UROD: variants seen among roughly 807,000 people sequenced by gnomAD.
UROD encodes the protein uroporphyrinogen decarboxylase, also known as uroporphyrinogen III decarboxylase.
UROD carries 34 observed loss-of-function variants against 47.1 expected under a neutral mutation model. The ratio of observed to expected loss-of-function variants is 0.72; its 90% CI spans 0.55 to 0.96. UROD has a LOEUF of 0.96. Among genes scored for constraint, UROD ranks in the 40% least tolerant of loss-of-function variants. UROD has a pLI of 0.00. For missense variants in UROD, 381 were observed against 471.8 expected (o/e 0.81, Z 1.78); for synonymous variants, 148 against 175.8 (o/e 0.84, Z 1.25).
rs766639207 is a variant in UROD, at chr1:45,013,942, G to A, written c.508G>A (p.Gly170Ser). 1.3e-5 allele frequency: 21 copies of A among 1,614,098 alleles called. No individual in the cohort carries two copies. The highest frequency in any genetic ancestry group is 1.7e-5 in the Admixed American group (1 of 59,986). Residue 170 changes from glycine (G) to serine (S), a missense_variant, in exon 6 of 10, where the codon GGC becomes AGC. Transcript: ENST00000246337. The surrounding 1 kb of genome is among the most constrained non-coding windows in gnomAD (Gnocchi z 4.2). ...TLMTYMVEGGGSSTMAQAKRW... is the reference protein window; with the variant it reads ...TLMTYMVEGGSSSTMAQAKRW... Reference sequence around the variant, plus strand: ...GATGACATACATGGTTGAGGGTGGTGGCTCAAGCACCATGGCTCAGGCCAA... The same window carrying A: ...GATGACATACATGGTTGAGGGTGGTAGCTCAAGCACCATGGCTCAGGCCAA...
chr1:45,015,506 C>T lies in UROD; in HGVS notation c.*8C>T. Reference sequence around the variant, plus strand: ...CTGCTTCGACAGAACTGAGTGTATACCTTTACCCTCAAGTACCACTAACAC... The same window carrying T: ...CTGCTTCGACAGAACTGAGTGTATATCTTTACCCTCAAGTACCACTAACAC... On this transcript the variant is annotated 3_prime_UTR_variant, in exon 10 of 10. Transcript: ENST00000246337. The T allele has an allele frequency of 3.1e-6, 5 of 1,614,180 alleles. No individual in the cohort carries two copies.
chr1:45,013,249 C>T lies in UROD; in HGVS notation c.213+34C>T, dbSNP rs1415233537. 1.2e-5 allele frequency: 19 copies of T among 1,614,046 alleles called. No homozygotes were observed. Among genetic ancestry groups the T allele is most frequent in the Non-Finnish European group, 1.6e-5 (19 of 1,180,024 alleles). On this transcript the variant is annotated intron_variant, in intron 3 of 9. Coordinates refer to ENST00000246337, the MANE Select transcript of UROD (RefSeq NM_000374.5). This position sits in a 1 kb window ranked among gnomAD's most constrained non-coding sequence, Gnocchi z 4.2. Reference sequence around the variant, plus strand: ...TCCACAAAAGAGGGAAAGATTTATGCCTTCAGTCTGCCACCTAGCAACCTG... The same window carrying T: ...TCCACAAAAGAGGGAAAGATTTATGTCTTCAGTCTGCCACCTAGCAACCTG...
Position 45,013,255 on chromosome 1 carries a change from G to C in UROD, c.214-37G>C. ...AAAGAGGGAAAGATTTATGCCTTCAGTCTGCCACCTAGCAACCTGTCTCCT... is the reference window on the plus strand; with the variant it reads ...AAAGAGGGAAAGATTTATGCCTTCACTCTGCCACCTAGCAACCTGTCTCCT... On this transcript the variant is annotated intron_variant, in intron 3 of 9. Coordinates refer to ENST00000246337, the MANE Select transcript of UROD (RefSeq NM_000374.5). This position sits in a 1 kb window ranked among gnomAD's most constrained non-coding sequence, Gnocchi z 4.2. 6.2e-7 allele frequency: 1 copy of C among 1,614,202 alleles called. No homozygotes were observed. Among genetic ancestry groups the C allele is most frequent in the South Asian group, 1.1e-5 (1 of 91,090 alleles).
intron 1 of UROD, 44 bp from the exon 2 acceptor site, chr1:45,012,863 G>T (rs781536517): frequency 2.5e-6 from 4 of 1,610,976 alleles, no homozygotes; most frequent in Non-Finnish European, 2.5e-6. Flanking sequence ...CCAGCCTCCA[G>T]CGTAGCATAC....
chr1:45,014,425 C>A lies in UROD; in HGVS notation c.637-14C>A. On this transcript the variant is annotated splice_polypyrimidine_tract_variant and intron_variant, in intron 6 of 9. Coordinates refer to ENST00000246337, the MANE Select transcript of UROD (RefSeq NM_000374.5). ...TTGTGTGTTACATATTTTTCTTCAC[C>A]ATACCCTAACTAGGCATTGCAGCTG... The A allele has an allele frequency of 6.2e-7, 1 of 1,614,018 alleles. No homozygotes were observed. The highest frequency in any genetic ancestry group is 8.5e-7 in the Non-Finnish European group (1 of 1,180,040).
intron 1 of UROD, 21 bp downstream of exon 1, chr1:45,012,306 G>T: frequency 6.2e-7 from 1 of 1,614,098 alleles, no homozygotes; most frequent in South Asian, 1.1e-5. Context: ...CAGAGCACGC[G>T]GTGTGGCTAG....
chr1:45,014,300 T>C (rs544132784), intron 6 of UROD, 139 bp from the exon 7 acceptor site: 3 of 1,440,104 alleles, frequency 2.1e-6, no homozygotes, highest in African/African-American at 2.8e-5. Context: ...GTAAATTTTT[T>C]TTTTTTTAAT....
intron 6 of UROD, 41 bp from the exon 7 acceptor site, chr1:45,014,398 C>T: frequency 6.2e-7 from 1 of 1,613,688 alleles, no homozygotes; most frequent in Non-Finnish European, 8.5e-7. Context: ...GAAACTTCCT[C>T]TTTGTGTGTT....
Position 45,014,923 on chromosome 1 carries a change from G to A in UROD, c.876-17G>A, listed in dbSNP as rs766486186. On this transcript the variant is annotated splice_polypyrimidine_tract_variant and intron_variant, in intron 8 of 9. Coordinates refer to ENST00000246337, the MANE Select transcript of UROD (RefSeq NM_000374.5). Reference sequence around the variant, plus strand: ...ATGTATGCAGTTACCAGAACGTGGCGCTGGCTTTGCTTCCAGGGAGTGTGT... The same window carrying A: ...ATGTATGCAGTTACCAGAACGTGGCACTGGCTTTGCTTCCAGGGAGTGTGT... 15 of 1,614,036 alleles carry A rather than the reference G, an allele frequency of 9.3e-6. No individual in the cohort carries two copies. The highest frequency in any genetic ancestry group is 8.3e-5 in the Admixed American group (5 of 60,008).
intron 6 of UROD, 145 bp from the exon 7 acceptor site, chr1:45,014,294 A>AT (rs57055690): frequency 0.047 from 44,988 of 955,638 alleles, no homozygotes; most frequent in Non-Finnish European, 0.054. Context: ...AGGAAAGTAA[A>AT]TTTTTTTTTT....
At position 45,015,538 on chromosome 1, in the gene UROD, T is replaced by C. The variant is rs962899729; in HGVS notation, c.*40T>C. On this transcript the variant is annotated 3_prime_UTR_variant, in exon 10 of 10. Coordinates refer to ENST00000246337, the MANE Select transcript of UROD (RefSeq NM_000374.5). ...CCTCAAGTACCACTAACACAGATGATTGATCGTTTCCAGGACAATAAAAGT... is the reference window on the plus strand; with the variant it reads ...CCTCAAGTACCACTAACACAGATGACTGATCGTTTCCAGGACAATAAAAGT... 2 of 1,613,966 alleles carry C rather than the reference T, an allele frequency of 1.2e-6. No individual in the cohort carries two copies. Among genetic ancestry groups the C allele is most frequent in the Non-Finnish European group, 1.7e-6 (2 of 1,180,016 alleles).
At position 45,014,004 on chromosome 1, in the gene UROD, G is replaced by A. The variant is rs777686808; in HGVS notation, c.570G>A (p.Gln190=). Residue 190 remains glutamine, a synonymous_variant, in exon 6 of 10, where the codon CAG becomes CAA. Transcript: ENST00000246337. ...ATCAGAGACCTCAGGCTAGTCACCA[G>A]CTGCTTCGCATCCTCACTGATGCTC... ...WLYQRPQASH[Q]LLRILTDALV... is the part of the protein sequence containing the mutation. 4 of 1,614,154 alleles carry A rather than the reference G, an allele frequency of 2.5e-6. No homozygotes were observed. The highest frequency in any genetic ancestry group is 1.3e-5 in the African/African-American group (1 of 74,944).
rs2148983862 is a variant in UROD, at chr1:45,015,241, T to G, written c.943-96T>G. 2.6e-6 allele frequency: 4 copies of G among 1,535,346 alleles called. No individual in the cohort carries two copies. In the South Asian group the frequency reaches 4.7e-5, roughly 18 times the overall value. ...TATTGAATGACTGAATAACACTGAG[T>G]AGAAGCATGCCTACATATGCGTTTG... On this transcript the variant is annotated intron_variant, in intron 9 of 9. Coordinates refer to ENST00000246337, the MANE Select transcript of UROD (RefSeq NM_000374.5).
Position 45,013,865 on chromosome 1 carries a change from G to A in UROD, c.475-44G>A. On this transcript the variant is annotated intron_variant, in intron 5 of 9. Transcript: ENST00000246337. This position sits in a 1 kb window ranked among gnomAD's most constrained non-coding sequence, Gnocchi z 4.2. ...AAGGTCTGGGGTAGACAAAAGGAAG[G>A]GTCAGTCTGGCTTCTGTGACACCAT... is the stretch of plus-strand genomic sequence containing the variant. 6.2e-7 allele frequency: 1 copy of A among 1,614,174 alleles called. No individual in the cohort carries two copies.
In UROD at chr1:45,015,326, T is replaced by C; in HGVS notation, c.943-11T>C. Reference sequence around the variant, plus strand: ...GGTCCTCCTGTAGCCAGTGCCCTGTTGGTCCCCCAGGAGGAGATCGGGCAG... The same window carrying C: ...GGTCCTCCTGTAGCCAGTGCCCTGTCGGTCCCCCAGGAGGAGATCGGGCAG... On this transcript the variant is annotated splice_polypyrimidine_tract_variant and intron_variant, in intron 9 of 9. Transcript: ENST00000246337. The C allele has an allele frequency of 6.2e-7, 1 of 1,613,804 alleles. No homozygotes were observed. The highest frequency in any genetic ancestry group is 8.5e-7 in the Non-Finnish European group (1 of 1,179,944).
intron 6 of UROD, 31 bp downstream of exon 6, chr1:45,014,101 G>A: frequency 6.2e-7 from 1 of 1,614,062 alleles, no homozygotes; most frequent in East Asian, 2.2e-5. Context: ...AAATAGGCTG[G>A]GATTTGGTCT....
rs1035464553 is a variant in UROD at position 45,015,442 on chromosome 1, G to T, written c.1048G>T (p.Val350Leu). The T allele has an allele frequency of 1.9e-6, 3 of 1,614,068 alleles. No individual in the cohort carries two copies. In the African/African-American group the frequency reaches 4.0e-5, roughly 22 times the overall value. The change falls in exon 10 of 10, where the codon GTG (valine) becomes TTG (leucine). Residue 350 changes from valine to leucine, a missense_variant. Transcript: ENST00000246337. ...TTATCCTGACATGGACCCAGAACAT[G>T]TGGGCGCCTTTGTGGATGCTGTGCA... ...GLYPDMDPEH[V>L]GAFVDAVHKH...
intron 6 of UROD, 103 bp from the exon 7 acceptor site, chr1:45,014,336 A>C: frequency 6.4e-7 from 1 of 1,571,558 alleles, no homozygotes. Context: ...GTCAGGCAGT[A>C]TCAGGGATTG....
chr1:45,013,106 G>A lies in UROD; in HGVS notation c.134-30G>A, dbSNP rs754810850. The A allele has an allele frequency of 6.2e-7, 1 of 1,614,178 alleles. No homozygotes were observed. The highest frequency in any genetic ancestry group is 1.1e-5 in the South Asian group (1 of 91,084). ...AGGGGAGGGCTCTGGAGGGCCTCAAGGCTGAGCCCTGTCTTCCCTCTGTAT... is the reference window on the plus strand; with the variant it reads ...AGGGGAGGGCTCTGGAGGGCCTCAAAGCTGAGCCCTGTCTTCCCTCTGTAT... On this transcript the variant is annotated intron_variant, in intron 2 of 9. Transcript: ENST00000246337. This position sits in a 1 kb window ranked among gnomAD's most constrained non-coding sequence, Gnocchi z 4.2.
Sources: allele counts gnomAD v4.1 joint callset, GRCh38; gene constraint gnomAD v4.1.1; non-coding constraint Gnocchi (gnomAD v3.1); transcripts MANE v1.5; gene names NCBI Gene and HGNC (gene_info 2026-07-23, HGNC 2026-07-21).